SLC71A2: variants seen among roughly 807,000 people sequenced by gnomAD.
The protein encoded by SLC71A2 is hippocampus abundant transcript-like 1.
the SLC71A2 span, among the ~76,000 whole-genome samples, chr9:94,381,401 G>A: frequency 6.6e-6 from 1 of 150,552 alleles, no homozygotes; most frequent in Admixed American, 6.6e-5. Flanking sequence ...CTCCTCTTTG[G>A]CTTTTAAAAA....
chr9:94,440,094 A>C, the SLC71A2 span, among the ~76,000 whole-genome samples: 1 of 152,200 alleles, frequency 6.6e-6, no homozygotes, highest in Non-Finnish European at 1.5e-5. Context: ...AAAAACATTA[A>C]GAGTACATGT....
the SLC71A2 span, among the ~76,000 whole-genome samples, chr9:94,451,159 G>C: frequency 6.6e-6 from 1 of 152,228 alleles, no homozygotes; most frequent in East Asian, 1.9e-4. Context: ...TTTATTACTT[G>C]ATACCATATT....
chr9:94,384,244 A>G, the SLC71A2 span, among the ~76,000 whole-genome samples: 1 of 151,932 alleles, frequency 6.6e-6, no homozygotes, highest in Non-Finnish European at 1.5e-5. Context: ...ATGGAATCAT[A>G]CCATATTCAT....
chr9:94,426,842 A>T, the SLC71A2 span, among the ~76,000 whole-genome samples: 3 of 152,088 alleles, frequency 2.0e-5, no homozygotes, highest in Non-Finnish European at 2.9e-5. Flanking sequence ...ATTTATTTAG[A>T]TAGATAGATA....
the SLC71A2 span, among the ~76,000 whole-genome samples, chr9:94,458,843 C>G: frequency 6.6e-6 from 1 of 152,134 alleles, no homozygotes; most frequent in African/African-American, 2.4e-5. Flanking sequence ...CTATACAAAG[C>G]TGGAATTAAT....
At chr9:94,447,865 G>C in the SLC71A2 span, among the ~76,000 whole-genome samples, 7 of 152,082 alleles carry the variant, frequency 4.6e-5, no homozygotes, top group African/African-American at 1.4e-4. Flanking sequence ...GGCAACCACT[G>C]ATCTCTTTAT....
chr9:94,460,961 T>A, the SLC71A2 span: 1 of 152,182 alleles, frequency 6.6e-6, no homozygotes, highest in Non-Finnish European at 1.5e-5. Flanking sequence ...TATTGCTCTT[T>A]TGGGTTCTCT....
chr9:94,390,948 A>G, the SLC71A2 span, among the ~76,000 whole-genome samples: 1 of 151,958 alleles, frequency 6.6e-6, no homozygotes. Context: ...ACAATGAGAA[A>G]CTATGCTCAT....
At chr9:94,458,425 G>A in the SLC71A2 span, 4 of 1,614,098 alleles carry the variant, frequency 2.5e-6, no homozygotes, top group African/African-American at 1.3e-5. Flanking sequence ...AACTGACTGA[G>A]TTGGGCCCGA....
chr9:94,425,143 A>G, the SLC71A2 span, among the ~76,000 whole-genome samples: 1 of 151,668 alleles, frequency 6.6e-6, no homozygotes, highest in Admixed American at 6.6e-5. Flanking sequence ...GCGAAACCCC[A>G]TATCTACTAA....
chr9:94,403,535 A>G, the SLC71A2 span, among the ~76,000 whole-genome samples: 1,105 of 150,374 alleles, frequency 7.3e-3, 7 homozygotes, highest in Non-Finnish European at 0.013. Context: ...ATGATATTCC[A>G]TTGTATACAT....
the SLC71A2 span, among the ~76,000 whole-genome samples, chr9:94,384,381 C>T: frequency 7.0e-6 from 1 of 143,354 alleles, no homozygotes. Context: ...CTCTGTTGCT[C>T]AGGCTGGAGT....
the SLC71A2 span, among the ~76,000 whole-genome samples, chr9:94,438,850 G>A: frequency 1.3e-5 from 2 of 152,144 alleles, no homozygotes; most frequent in African/African-American, 2.4e-5. Context: ...TAACAATCCT[G>A]TCTTCATTAC....
the SLC71A2 span, among the ~76,000 whole-genome samples, chr9:94,412,931 T>C: frequency 2.0e-5 from 3 of 148,926 alleles, no homozygotes; most frequent in East Asian, 5.9e-4. Context: ...GGTTGTATAA[T>C]CTTGTGAATA....
At chr9:94,388,073 T>C in the SLC71A2 span, among the ~76,000 whole-genome samples, 1 of 152,226 alleles carries the variant, frequency 6.6e-6, no homozygotes, top group Non-Finnish European at 1.5e-5. Context: ...AATATCTCTT[T>C]ATACTGTGAT....
chr9:94,451,793 TTA>T, the SLC71A2 span, among the ~76,000 whole-genome samples: 40 of 152,370 alleles, frequency 2.6e-4, no homozygotes, highest in East Asian at 7.5e-3. Flanking sequence ...GGGAAATTTT[TTA>T]TGTTTTTATT....
At chr9:94,458,815 G>A in the SLC71A2 span, among the ~76,000 whole-genome samples, 4 of 152,076 alleles carry the variant, frequency 2.6e-5, no homozygotes, top group Admixed American at 6.5e-5. Flanking sequence ...TTCTTCCCTT[G>A]TTCCCTCTAA....
chr9:94,456,162 T>G, the SLC71A2 span: 3 of 908,098 alleles, frequency 3.3e-6, no homozygotes, highest in South Asian at 3.1e-5. Flanking sequence ...ATTTGTACTT[T>G]TGCCACTGAT....
the SLC71A2 span, among the ~76,000 whole-genome samples, chr9:94,417,217 A>G: frequency 2.0e-5 from 3 of 152,192 alleles, no homozygotes; most frequent in African/African-American, 7.2e-5. Context: ...AAATACACAT[A>G]ACAAACTTAC....
Sources: gnomAD v4.1 joint callset for allele counts (sites outside exome capture counted in the v4.1 genomes callset) on GRCh38, gnomAD v4.1.1 for gene constraint, MANE v1.5 for transcripts, NCBI Gene and HGNC (gene_info 2026-07-23, HGNC 2026-07-21) for gene names.